EPCAM: variants seen among roughly 807,000 people sequenced by gnomAD.
EPCAM encodes adenocarcinoma-associated antigen.
In EPCAM, 39 loss-of-function variants were observed where a neutral mutation model predicts 40.0. The ratio of observed to expected loss-of-function variants is 0.98; its 90% CI spans 0.76 to 1.27. The LOEUF (loss-of-function observed/expected upper bound fraction) is 1.27. Ranked by LOEUF, EPCAM falls within the 50% of genes most tolerant of loss-of-function variation. The pLI is 0.00. For synonymous variants in EPCAM, 168 were observed against 132.3 expected (o/e 1.27, Z -1.85); for missense variants, 503 against 381.2 (o/e 1.32, Z -2.66).
chr2:47,370,488 G>A (rs1466579032), intron 1 of EPCAM, among the ~76,000 whole-genome samples: 1 of 151,950 alleles, frequency 6.6e-6, no homozygotes. Context: ...TGTTGGTCAG[G>A]CTGGTCTCTA....
At position 47,386,775 on chromosome 2, in the gene EPCAM, A is replaced by C; in HGVS notation, c.*162A>C. 1.8e-6 allele frequency: 1 copy of C among 544,222 alleles called. No homozygotes were observed. Among genetic ancestry groups the C allele is most frequent in the East Asian group, 2.9e-5 (1 of 34,572 alleles). 33.7% of individuals were successfully genotyped at this position (544,222 alleles called of 1,614,324 possible). On this transcript the variant is annotated 3_prime_UTR_variant, in exon 9 of 9. Transcript: ENST00000263735. ...TGTACTCAAAATATAAGCAGCTTGA[A>C]ACTGGCTTTACCAATCTTGAAATTT...
intron 6 of EPCAM, 110 bp from the exon 7 acceptor site, chr2:47,379,659 A>G (rs1351777293): frequency 1.9e-5 from 24 of 1,258,322 alleles, no homozygotes; most frequent in South Asian, 4.0e-5. Flanking sequence ...CACTAAAACC[A>G]TAAAGATTCT....
chr2:47,372,142 G>A (rs1407192113), intron 1 of EPCAM, among the ~76,000 whole-genome samples: 1 of 152,100 alleles, frequency 6.6e-6, no homozygotes, highest in African/African-American at 2.4e-5. Flanking sequence ...ATTTAATTTA[G>A]TTAGGAAACT....
intron 6 of EPCAM, among the ~76,000 whole-genome samples, chr2:47,379,447 T>C (rs552390879): frequency 5.3e-5 from 8 of 152,290 alleles, no homozygotes; most frequent in South Asian, 4.1e-4. Context: ...TGCTGAAATA[T>C]GAGGTTTGCT....
chr2:47,381,642 C>T (rs1000739398), intron 7 of EPCAM, among the ~76,000 whole-genome samples: 1 of 151,978 alleles, frequency 6.6e-6, no homozygotes, highest in African/African-American at 2.4e-5. Flanking sequence ...AAGACATTTA[C>T]ATATTTAAAA....
At chr2:47,378,900 A>T (rs2103756788) in intron 5 of EPCAM, 53 bp from the exon 6 acceptor site, 1 of 831,620 alleles carries the variant, frequency 1.2e-6, no homozygotes, top group Non-Finnish European at 2.1e-6. Context: ...GTTATTTTCA[A>T]ATGATTTTGA....
intron 1 of EPCAM, 181 bp downstream of exon 1, chr2:47,369,762 G>T: frequency 1.4e-6 from 1 of 731,388 alleles, no homozygotes; most frequent in Non-Finnish European, 2.5e-6. Context: ...AGGAAACGGC[G>T]AGGGCCGTCC....
At chr2:47,373,693 G>T in intron 2 of EPCAM, 115 bp from the exon 3 acceptor site, 1 of 1,486,628 alleles carries the variant, frequency 6.7e-7, no homozygotes, top group South Asian at 1.2e-5. Context: ...AAGTAAGTGT[G>T]GGAACACATA....
At chr2:47,381,011 G>A (rs1179513073) in intron 7 of EPCAM, among the ~76,000 whole-genome samples, 6 of 136,420 alleles carry the variant, frequency 4.4e-5, no homozygotes, top group Non-Finnish European at 6.2e-5. Flanking sequence ...GCTTGAACCT[G>A]GGAAGCAGAG....
At chr2:47,375,538 G>A (rs1671399434) in intron 4 of EPCAM, among the ~76,000 whole-genome samples, 1 of 152,114 alleles carries the variant, frequency 6.6e-6, no homozygotes, top group Admixed American at 6.6e-5. Flanking sequence ...ATGTGTGTGT[G>A]CTTTACATCA....
chr2:47,381,032 G>C (rs979385546), intron 7 of EPCAM, among the ~76,000 whole-genome samples: 1 of 133,490 alleles, frequency 7.5e-6, no homozygotes, highest in Non-Finnish European at 1.5e-5. Context: ...GTTGTAGTGC[G>C]CCAAGATCAT....
intron 1 of EPCAM, among the ~76,000 whole-genome samples, chr2:47,371,255 G>A (rs929338987): frequency 1.3e-5 from 2 of 151,828 alleles, no homozygotes; most frequent in African/African-American, 4.8e-5. Context: ...CTTGGCTGCC[G>A]TCTCTCTCTC....
Position 47,386,666 on chromosome 2 carries a change from A to G in EPCAM, c.*53A>G. The stretch of plus-strand genomic sequence containing the variant: ...GGGAAATAGCAAATGGACACAAATT[A>G]CAAATGTGTGTGCGTGGGACGAAGA... On this transcript the variant is annotated 3_prime_UTR_variant, in exon 9 of 9. Coordinates refer to ENST00000263735, the MANE Select transcript of EPCAM (RefSeq NM_002354.3). The G allele has an allele frequency of 4.4e-6, 6 of 1,362,632 alleles. No individual in the cohort carries two copies. In the South Asian group the frequency reaches 5.9e-5, roughly 13 times the overall value. 84.4% of individuals were successfully genotyped at this position (1,362,632 alleles called of 1,614,324 possible). A position where few individuals can be genotyped will look rare whatever the true frequency, so the allele number is the denominator to read the frequency against.
chr2:47,375,638 G>A (rs561307150), intron 4 of EPCAM, among the ~76,000 whole-genome samples: 1 of 152,058 alleles, frequency 6.6e-6, no homozygotes, highest in East Asian at 1.9e-4. Flanking sequence ...GTACTTCAGT[G>A]TATGTTTTCC....
rs959853468 is a variant in EPCAM at position 47,386,831 on chromosome 2, A to G, written c.*218A>G. ...CAAGTGTCTTATATATGCAGATCTA[A>G]TGTAAAATCCAGAACTTGGACTCCA... On this transcript the variant is annotated 3_prime_UTR_variant, in exon 9 of 9. Coordinates refer to ENST00000263735, the MANE Select transcript of EPCAM (RefSeq NM_002354.3). 1 of 409,562 alleles carries G rather than the reference A, an allele frequency of 2.4e-6. No homozygotes were observed. The highest frequency in any genetic ancestry group is 2.0e-5 in the African/African-American group (1 of 49,880). The allele number at this position is 409,562 out of a possible 1,614,324, so 25.4% of individuals were successfully genotyped here.
chr2:47,375,387 C>G (rs1442891622), intron 4 of EPCAM, 88 bp downstream of exon 4: 1 of 851,574 alleles, frequency 1.2e-6, no homozygotes, highest in East Asian at 2.5e-5. Context: ...AGTCTAAATG[C>G]TTTTTTATAT....
chr2:47,369,732 G>C (rs1179615421), intron 1 of EPCAM, 151 bp downstream of exon 1: 2 of 844,384 alleles, frequency 2.4e-6, no homozygotes, highest in Admixed American at 4.0e-5. Flanking sequence ...CCGTGCTCCG[G>C]CTCAGGCCCT....
At chr2:47,371,886 C>T (rs754216358) in intron 1 of EPCAM, among the ~76,000 whole-genome samples, 2 of 152,184 alleles carry the variant, frequency 1.3e-5, no homozygotes, top group African/African-American at 2.4e-5. Context: ...ACTTGGGATA[C>T]GAAGGATCAA....
At chr2:47,369,842 C>G (rs1049406509) in intron 1 of EPCAM, 1 of 616,304 alleles carries the variant, frequency 1.6e-6, no homozygotes. Flanking sequence ...AGGCGGGGGA[C>G]AGGCAGGGAA....
Sources: allele counts gnomAD v4.1 joint callset (sites outside exome capture counted in the v4.1 genomes callset), GRCh38; gene constraint gnomAD v4.1.1; transcripts MANE v1.5; gene names NCBI Gene and HGNC (gene_info 2026-07-23, HGNC 2026-07-21).